GLDN: variants seen among roughly 807,000 people sequenced by gnomAD.
GLDN encodes the protein collomin.
Under a neutral mutation model 56.5 loss-of-function variants are expected in GLDN, and 47 were observed. That is an observed-to-expected ratio of 0.83 (90% CI 0.66 to 1.06). The LOEUF (loss-of-function observed/expected upper bound fraction) is 1.06. Among genes scored for constraint, GLDN ranks in the 50% least tolerant of loss-of-function variants. The pLI, the probability that GLDN is intolerant of heterozygous loss-of-function variation, is 0.00. For missense variants in GLDN, 782 were observed against 714.3 expected, an observed-to-expected ratio of 1.09 and a Z score of -1.08; for synonymous variants, 332 against 278.8, an observed-to-expected ratio of 1.19 and a Z score of -1.90.
At chr15:51,386,628 C>T (rs2037899865) in intron 4 of GLDN, among the ~76,000 whole-genome samples, 1 of 152,166 alleles carries the variant, frequency 6.6e-6, no homozygotes, top group South Asian at 2.1e-4. Context: ...GCATGGAGAG[C>T]GCACTGGAAC....
chr15:51,397,407 T>A, intron 5 of GLDN, 63 bp from the exon 6 acceptor site: 2 of 646,268 alleles, frequency 3.1e-6, no homozygotes, highest in Non-Finnish European at 4.3e-6. Flanking sequence ...TCTCTGTCCC[T>A]CTCTCCCCTT....
intron 1 of GLDN, among the ~76,000 whole-genome samples, chr15:51,351,474 AT>A (rs2037075487): frequency 6.6e-6 from 1 of 152,164 alleles, no homozygotes; most frequent in South Asian, 2.1e-4. Flanking sequence ...TGATCAGCTG[AT>A]TATTTAGTAG....
chr15:51,379,746 G>A (rs936114828), intron 2 of GLDN, among the ~76,000 whole-genome samples: 1 of 152,220 alleles, frequency 6.6e-6, no homozygotes, highest in Admixed American at 6.5e-5. Flanking sequence ...AATCGATTCT[G>A]GTTAGGAGTG....
downstream of GLDN, among the ~76,000 whole-genome samples, chr15:51,410,209 C>G (rs2038451208): frequency 6.6e-6 from 1 of 152,202 alleles, no homozygotes; most frequent in Non-Finnish European, 1.5e-5. Flanking sequence ...AGATATCACC[C>G]CTTCCCTCTA....
intron 5 of GLDN, among the ~76,000 whole-genome samples, chr15:51,395,608 G>A (rs760622115): frequency 2.0e-5 from 3 of 152,198 alleles, no homozygotes; most frequent in Non-Finnish European, 4.4e-5. Context: ...CCTTGGGCTA[G>A]ATGAGCTAAC....
intron 8 of GLDN, among the ~76,000 whole-genome samples, chr15:51,401,058 G>C (rs1017783938): frequency 6.6e-6 from 1 of 152,188 alleles, no homozygotes; most frequent in Non-Finnish European, 1.5e-5. Context: ...GGAGGGGTCT[G>C]GCCATAATCA....
Position 51,386,422 on chromosome 15 carries a change from C to G in GLDN, c.541+2530C>G, listed in dbSNP as rs1021501929. On this transcript the variant is annotated intron_variant, in intron 4 of 9. Transcript: ENST00000335449. ...CCGAGGCTGCACTTTCCCTCCTCACCCACTCCTGAGCCCTGGGACAGATTC... is the reference window on the plus strand; with the variant it reads ...CCGAGGCTGCACTTTCCCTCCTCACGCACTCCTGAGCCCTGGGACAGATTC... 3.3e-5 allele frequency among the ~76,000 whole-genome samples: 5 copies of G among 152,162 alleles called. No individual in the cohort carries two copies. The South Asian group carries it at 1.0e-3, about 32-fold the overall frequency.
intron 1 of GLDN, among the ~76,000 whole-genome samples, chr15:51,372,653 A>T (rs972499180): frequency 2.0e-5 from 3 of 152,176 alleles, no homozygotes; most frequent in Non-Finnish European, 4.4e-5. Context: ...CATATCATGA[A>T]CTGATTAGCA....
chr15:51,365,288 T>C (rs1386650786), intron 1 of GLDN, among the ~76,000 whole-genome samples: 2 of 152,204 alleles, frequency 1.3e-5, no homozygotes, highest in East Asian at 3.8e-4. Flanking sequence ...ATTAATTTTC[T>C]TTATTTTTAA....
chr15:51,395,964 C>T lies in GLDN; in HGVS notation c.688+983C>T, dbSNP rs79417501. 3.5e-3 allele frequency among the ~76,000 whole-genome samples: 535 copies of T among 152,078 alleles called. 16 individuals carry two copies. The East Asian group carries it at 0.062, about 18-fold the overall frequency. ...GAAGTGCCACACACTTTTAAATGAC[C>T]GAATCTCGCAATAACTCACTTATTA... is the stretch of plus-strand genomic sequence containing the variant. On this transcript the variant is annotated intron_variant, in intron 5 of 9. Coordinates refer to ENST00000335449, the MANE Select transcript of GLDN (RefSeq NM_181789.4).
chr15:51,390,058 G>C (rs74016742), intron 4 of GLDN, among the ~76,000 whole-genome samples: 9 of 152,202 alleles, frequency 5.9e-5, no homozygotes, highest in African/African-American at 2.2e-4. Flanking sequence ...GCCAGAGCTG[G>C]AGCCAGATGG....
downstream of GLDN, among the ~76,000 whole-genome samples, chr15:51,412,529 T>G (rs2038477878): frequency 6.6e-6 from 1 of 152,190 alleles, no homozygotes; most frequent in African/African-American, 2.4e-5. Flanking sequence ...TCCCCCAACT[T>G]GTGCTCTGGA....
intron 2 of GLDN, among the ~76,000 whole-genome samples, chr15:51,382,586 C>A (rs560188656): frequency 3.7e-4 from 56 of 151,336 alleles, no homozygotes; most frequent in Admixed American, 6.6e-4. Flanking sequence ...ATTAGCCGGG[C>A]GTGGTGGCGG....
chr15:51,380,723 TGG>T (rs2037739720), intron 2 of GLDN, among the ~76,000 whole-genome samples: 1 of 152,202 alleles, frequency 6.6e-6, no homozygotes, highest in African/African-American at 2.4e-5. Context: ...CTCTCTTTCC[TGG>T]TGCCTCTTCT....
Position 51,401,638 on chromosome 15 carries a change from G to A in GLDN, c.1073G>A (p.Gly358Asp). ...EFKDQPSLLNGSYTFIHLPYY... is the reference protein window; with the variant it reads ...EFKDQPSLLNDSYTFIHLPYY... ...AAGGATCAGCCCTCACTTCTGAATG[G>A]CAGTTACACGTTCATCCACCTTCCA... The change falls in exon 9 of 10, where the codon GGC becomes GAC. Residue 358 changes from glycine to aspartate, a missense_variant. Coordinates refer to ENST00000335449, the MANE Select transcript of GLDN (RefSeq NM_181789.4). The A allele has an allele frequency of 1.2e-6, 2 of 1,614,136 alleles. No individual in the cohort carries two copies. The highest frequency in any genetic ancestry group is 1.7e-6 in the Non-Finnish European group (2 of 1,179,994).
chr15:51,392,096 A>G (rs781078294), intron 4 of GLDN, among the ~76,000 whole-genome samples: 3 of 152,232 alleles, frequency 2.0e-5, no homozygotes, highest in Non-Finnish European at 2.9e-5. Context: ...TGGAATATGA[A>G]CATGAATATG....
chr15:51,401,675 TG>T lies in GLDN; in HGVS notation c.1112del (p.Gly371AlafsTer21). On this transcript the variant is annotated frameshift_variant, in exon 9 of 10. Transcript: ENST00000335449. LOFTEE classifies it high-confidence loss of function. ...TFIHLPYYFH[G>X]CGHVVYNNSL... Reference sequence around the variant, plus strand: ...TCATCCACCTTCCATACTATTTCCATGGCTGTGGGCACGTTGTTTACAACAA... The same window carrying T: ...TCATCCACCTTCCATACTATTTCCATGCTGTGGGCACGTTGTTTACAACAA... 1 of 1,614,186 alleles carries T rather than the reference TG, an allele frequency of 6.2e-7. No individual in the cohort carries two copies. Among genetic ancestry groups the T allele is most frequent in the Non-Finnish European group, 8.5e-7 (1 of 1,180,000 alleles).
chr15:51,366,863 G>C (rs2037413848), intron 1 of GLDN, among the ~76,000 whole-genome samples: 1 of 150,654 alleles, frequency 6.6e-6, no homozygotes, highest in Non-Finnish European at 1.5e-5. Flanking sequence ...CTGGACAACA[G>C]AGTAAGACCC....
chr15:51,404,786 C>G lies in GLDN; in HGVS notation c.*32C>G. Reference sequence around the variant, plus strand: ...GCATTCGGCTCCCTTCAGCAAATTTCAGGGGTTTTCTGGGACCAGTTCTCC... The same window carrying G: ...GCATTCGGCTCCCTTCAGCAAATTTGAGGGGTTTTCTGGGACCAGTTCTCC... On this transcript the variant is annotated 3_prime_UTR_variant, in exon 10 of 10. Coordinates refer to ENST00000335449, the MANE Select transcript of GLDN (RefSeq NM_181789.4). 2.6e-6 allele frequency: 3 copies of G among 1,167,846 alleles called. No homozygotes were observed. The highest frequency in any genetic ancestry group is 3.8e-6 in the Non-Finnish European group (3 of 797,396). The allele number at this position is 1,167,846 out of a possible 1,614,324, so 72.3% of individuals were successfully genotyped here.
Sources: gnomAD v4.1 joint callset for allele counts (sites outside exome capture counted in the v4.1 genomes callset) on GRCh38, gnomAD v4.1.1 for gene constraint, MANE v1.5 for transcripts, NCBI Gene and HGNC (gene_info 2026-07-23, HGNC 2026-07-21) for gene names.